SLC9A6: variants seen among roughly 807,000 people sequenced by gnomAD.
The protein encoded by SLC9A6 is sodium/hydrogen exchanger 6.
SLC9A6 carries 6 observed loss-of-function variants against 45.3 expected under a neutral mutation model. That is an observed-to-expected ratio of 0.13 (90% CI 0.07 to 0.26). The LOEUF (loss-of-function observed/expected upper bound fraction) is 0.26, where lower values mean the gene tolerates loss of function less well. Ranked by LOEUF, SLC9A6 falls within the 10% of genes least tolerant of loss-of-function variation. SLC9A6 has a pLI of 1.00. For missense variants in SLC9A6, 278 were observed against 503.7 expected (o/e 0.55, Z 4.29); for synonymous variants, 191 against 187.7 (o/e 1.02, Z -0.14).
At chrX:136,008,122 A>G (rs897431781) in intron 7 of SLC9A6, among the ~76,000 whole-genome samples, 1 of 112,475 alleles carries the variant, frequency 8.9e-6, no homozygotes, top group African/African-American at 3.2e-5. Flanking sequence ...TTATAGTAGC[A>G]AAAATAGTAG....
At chrX:135,995,326 T>G (rs2089483006) in intron 3 of SLC9A6, among the ~76,000 whole-genome samples, 2 of 111,465 alleles carry the variant, frequency 1.8e-5, no homozygotes, top group Admixed American at 1.9e-4. Context: ...TTTTCTTTCT[T>G]TATTTTATTT....
intron 15 of SLC9A6, 63 bp downstream of exon 15, chrX:136,030,225 A>G (rs2071296428): frequency 1.9e-6 from 2 of 1,033,049 alleles, no homozygotes; most frequent in East Asian, 3.0e-5. Context: ...TGGAAAGAAA[A>G]CAATCTACTA....
intron 15 of SLC9A6, among the ~76,000 whole-genome samples, chrX:136,032,362 G>A (rs1255566181): frequency 8.9e-6 from 1 of 112,639 alleles, no homozygotes; most frequent in Non-Finnish European, 1.9e-5. Context: ...ATGAGCCACT[G>A]TGTCTGGCCT....
intron 1 of SLC9A6, among the ~76,000 whole-genome samples, chrX:135,975,473 A>C (rs1382556583): frequency 8.9e-6 from 1 of 111,971 alleles, no homozygotes; most frequent in South Asian, 3.7e-4. Flanking sequence ...TCACCTTCTA[A>C]CATACTATAT....
chrX:136,031,897 C>G (rs1603218847), intron 15 of SLC9A6, among the ~76,000 whole-genome samples: 1 of 111,203 alleles, frequency 9.0e-6, no homozygotes, highest in South Asian at 3.8e-4. Context: ...TGTTCTTCAG[C>G]TTTCGTAAGC....
intron 7 of SLC9A6, 103 bp from the exon 8 acceptor site, chrX:136,010,339 T>C: frequency 1.1e-6 from 1 of 950,157 alleles, no homozygotes; most frequent in South Asian, 2.2e-5. Flanking sequence ...CGAAAGCTTG[T>C]TTTTCTTCTC....
upstream of SLC9A6, chrX:135,983,323 A>G (rs1422624254): frequency 9.0e-6 from 1 of 111,018 alleles, no homozygotes; most frequent in Non-Finnish European, 1.9e-5. Context: ...GGGTTCTGGT[A>G]ATGAGAGGAG....
intron 17 of SLC9A6, among the ~76,000 whole-genome samples, chrX:136,040,701 T>C (rs1364412041): frequency 8.9e-6 from 1 of 112,820 alleles, no homozygotes; most frequent in African/African-American, 3.2e-5. Flanking sequence ...TCCATATTTT[T>C]TCCTTAGCTA....
At chrX:136,008,505 T>C (rs1418034479) in intron 7 of SLC9A6, among the ~76,000 whole-genome samples, 2 of 112,272 alleles carry the variant, frequency 1.8e-5, no homozygotes, top group African/African-American at 6.5e-5. Flanking sequence ...CCTCCCAAAG[T>C]GCTGGGATTA....
chrX:136,029,412 C>T (rs781792188), intron 14 of SLC9A6: 6 of 111,086 alleles, frequency 5.4e-5, no homozygotes, highest in African/African-American at 1.6e-4. Context: ...AGCTGACTCT[C>T]GGGGAGAGCC....
chrX:136,000,569 G>A (rs2089567385), intron 6 of SLC9A6, among the ~76,000 whole-genome samples: 1 of 112,093 alleles, frequency 8.9e-6, no homozygotes, highest in Non-Finnish European at 1.9e-5. Flanking sequence ...TTCTGGTTTT[G>A]TTTGATAGGA....
At chrX:135,995,599 C>T (rs1459973411) in intron 3 of SLC9A6, among the ~76,000 whole-genome samples, 6 of 112,565 alleles carry the variant, frequency 5.3e-5, no homozygotes, top group African/African-American at 1.9e-4. Context: ...GCTGGGATTA[C>T]AGGCATGAGC....
chrX:135,985,474 T>G lies in SLC9A6; in HGVS notation c.-60T>G. On this transcript the variant is annotated 5_prime_UTR_variant, in exon 1 of 18. Transcript: ENST00000630721. The stretch of plus-strand genomic sequence containing the variant: ...TGGTCCGACCGCGGGCGGCCGCCGG[T>G]GAGGTAGGGGCGGGAGGCGGGGGGA... 1 of 1,014,397 alleles carries G rather than the reference T, an allele frequency of 9.9e-7. No homozygotes were observed. Among genetic ancestry groups the G allele is most frequent in the Non-Finnish European group, 1.3e-6 (1 of 794,659 alleles). 83.6% of individuals were successfully genotyped at this position (1,014,397 alleles called of 1,213,427 possible). A position where few individuals can be genotyped will look rare whatever the true frequency, so the allele number is the denominator to read the frequency against.
Position 136,044,683 on chromosome X carries a change from C to G in SLC9A6, c.1999C>G (p.Pro667Ala). 1 of 1,210,627 alleles carries G rather than the reference C, an allele frequency of 8.3e-7. No homozygotes were observed. Among genetic ancestry groups the G allele is most frequent in the Non-Finnish European group, 1.1e-6 (1 of 894,767 alleles). Residue 667 changes from proline to alanine, a missense_variant, in exon 18 of 18, where the codon CCG becomes GCG. Transcript: ENST00000630721. ...TCTTCCAATGGATGATTCTGAACCC[C>G]CGCTAAATTTGTTAGATAATACGAG... ...LVLPMDDSEP[P>A]LNLLDNTRHG... is the part of the protein sequence containing the mutation.
chrX:136,041,382 CA>C (rs1316253243), intron 17 of SLC9A6, among the ~76,000 whole-genome samples: 2 of 111,419 alleles, frequency 1.8e-5, no homozygotes, highest in Admixed American at 1.9e-4. Context: ...AGAGAGTAGG[CA>C]GAGTAGGGGT....
At chrX:136,004,959 G>A (rs1206885244) in intron 7 of SLC9A6, among the ~76,000 whole-genome samples, 2 of 112,275 alleles carry the variant, frequency 1.8e-5, no homozygotes, top group Admixed American at 9.4e-5. Context: ...GTACATGAGC[G>A]ATTACCAGCA....
At chrX:136,028,330 C>A (rs2071263240) in intron 13 of SLC9A6, among the ~76,000 whole-genome samples, 1 of 111,730 alleles carries the variant, frequency 9.0e-6, no homozygotes, top group South Asian at 3.8e-4. Flanking sequence ...TAGAAAGCAG[C>A]CAAGTCCAGA....
At position 136,046,447 on chromosome X, in the gene SLC9A6, A is replaced by T. The variant is rs2148219353; in HGVS notation, c.*1723A>T. The T allele has an allele frequency of 8.9e-6, 1 of 112,930 alleles. No individual in the cohort carries two copies. The highest frequency in any genetic ancestry group is 1.9e-5 in the Non-Finnish European group (1 of 53,346). 9.3% of individuals were successfully genotyped at this position (112,930 alleles called of 1,213,427 possible). A position where few individuals can be genotyped will look rare whatever the true frequency, so the allele number is the denominator to read the frequency against. ...CATGATGTGTGCCTCTTCACGCAGT[A>T]AATAGTTTCTTGTTAATGTATGTTT... is the stretch of plus-strand genomic sequence containing the variant. On this transcript the variant is annotated 3_prime_UTR_variant, in exon 18 of 18. Transcript: ENST00000630721.
In SLC9A6 at chrX:136,044,567, G is replaced by T. The variant is rs781993142; in HGVS notation, c.1883G>T (p.Arg628Met). ...NTEPATSSAPRRFMGNSSEDA... is the reference protein window; with the variant it reads ...NTEPATSSAPMRFMGNSSEDA... ...GAACCGGCCACATCCAGCGCCCCAAGGAGATTTATGGGAAACAGTTCTGAA... is the reference window on the plus strand; with the variant it reads ...GAACCGGCCACATCCAGCGCCCCAATGAGATTTATGGGAAACAGTTCTGAA... The change falls in exon 18 of 18, where the codon AGG becomes ATG. Residue 628 changes from arginine (R) to methionine (M), a missense_variant. Physicochemically the swap from Arg to Met is moderately conservative, Grantham distance 91. Around this residue, in one of 5 missense-constraint regions of SLC9A6, gnomAD observed 91 missense variants for 125.1 expected, o/e 0.73. Transcript: ENST00000630721. 1 of 1,211,481 alleles carries T rather than the reference G, an allele frequency of 8.3e-7. No individual in the cohort carries two copies. The highest frequency in any genetic ancestry group is 3.0e-5 in the East Asian group (1 of 33,843).
Sources: allele counts gnomAD v4.1 joint callset (sites outside exome capture counted in the v4.1 genomes callset), GRCh38; gene constraint gnomAD v4.1.1; regional missense constraint gnomAD v4.1.1; transcripts MANE v1.5; gene names NCBI Gene and HGNC (gene_info 2026-07-23, HGNC 2026-07-21).